PARD3: variants seen among roughly 807,000 people sequenced by gnomAD.
The protein encoded by PARD3 is partitioning defective 3 homolog.
PARD3 carries 75 observed loss-of-function variants against 155.4 expected under a neutral mutation model. That is an observed-to-expected ratio of 0.48 (90% CI 0.40 to 0.58). The LOEUF (loss-of-function observed/expected upper bound fraction) is 0.58. Among genes scored for constraint, PARD3 ranks in the 20% least tolerant of loss-of-function variants. The pLI, the probability that PARD3 is intolerant of heterozygous loss-of-function variation, is 0.00. For missense variants in PARD3, 1,642 were observed against 1,721.7 expected (o/e 0.95, Z 0.82); for synonymous variants, 576 against 610.5 (o/e 0.94, Z 0.83).
chr10:34,721,880 T>C lies in PARD3; in HGVS notation c.121-25461A>G, dbSNP rs2094612048. Among the ~76,000 whole-genome samples the C allele has an allele frequency of 2.6e-5, 4 of 152,302 alleles. 1 individual carries two copies. Among genetic ancestry groups the C allele is most frequent in the Middle Eastern group, 6.8e-3 (2 of 294 alleles). ...TCTAACACTAGAAAAACAATGGCTTTAATATTGTCTAAACAGGCTGGGTGC... is the reference window on the plus strand; with the variant it reads ...TCTAACACTAGAAAAACAATGGCTTCAATATTGTCTAAACAGGCTGGGTGC... On this transcript the variant is annotated intron_variant, in intron 1 of 24. Coordinates refer to ENST00000374788, the MANE Select transcript of PARD3 (RefSeq NM_001184785.2).
At chr10:34,243,230 T>A (rs1398169998) in intron 22 of PARD3, among the ~76,000 whole-genome samples, 1 of 152,134 alleles carries the variant, frequency 6.6e-6, no homozygotes, top group Non-Finnish European at 1.5e-5. Context: ...TACTGACAGT[T>A]CAAATTTGAA....
chr10:34,746,858 C>T (rs921729970), intron 1 of PARD3, among the ~76,000 whole-genome samples: 1 of 152,084 alleles, frequency 6.6e-6, no homozygotes, highest in African/African-American at 2.4e-5. Flanking sequence ...GCCGTGTCTC[C>T]CTCTAGACAG....
At chr10:34,264,904 C>A (rs1292694393) in intron 22 of PARD3, among the ~76,000 whole-genome samples, 2 of 152,074 alleles carry the variant, frequency 1.3e-5, no homozygotes, top group Non-Finnish European at 2.9e-5. Context: ...TGCATGTCAC[C>A]ACGCCTGGCT....
intron 22 of PARD3, among the ~76,000 whole-genome samples, chr10:34,189,583 T>A (rs535640491): frequency 1.3e-5 from 2 of 152,226 alleles, no homozygotes; most frequent in Non-Finnish European, 2.9e-5. Flanking sequence ...ATTAATTTGG[T>A]AAATCCTGAT....
chr10:34,397,363 A>C (rs1843439537), intron 7 of PARD3, among the ~76,000 whole-genome samples: 1 of 152,204 alleles, frequency 6.6e-6, no homozygotes, highest in Non-Finnish European at 1.5e-5. Flanking sequence ...CCATATGAAA[A>C]TTGGTGATGC....
At chr10:34,465,028 A>G (rs1211713695) in intron 4 of PARD3, among the ~76,000 whole-genome samples, 1 of 152,210 alleles carries the variant, frequency 6.6e-6, no homozygotes, top group East Asian at 1.9e-4. Context: ...ATCCTCCCAT[A>G]TAGTTTAAAT....
chr10:34,214,217 G>A (rs1417962756), intron 22 of PARD3, among the ~76,000 whole-genome samples: 1 of 152,106 alleles, frequency 6.6e-6, no homozygotes, highest in Non-Finnish European at 1.5e-5. Context: ...ATTCTCATGT[G>A]TGGATGCTTT....
chr10:34,725,309 C>T (rs572337195), intron 1 of PARD3, among the ~76,000 whole-genome samples: 2 of 152,144 alleles, frequency 1.3e-5, no homozygotes, highest in African/African-American at 4.8e-5. Context: ...CCTGCCACTA[C>T]GCCTGGCTAA....
At chr10:34,500,625 T>C (rs2080626701) in intron 3 of PARD3, among the ~76,000 whole-genome samples, 2 of 152,122 alleles carry the variant, frequency 1.3e-5, no homozygotes, top group South Asian at 4.1e-4. Flanking sequence ...CCTGTAATCC[T>C]AGCTTACTCA....
In PARD3 at chr10:34,603,659, T is replaced by C. The variant is rs528369352; in HGVS notation, c.223-86500A>G. 1.1e-4 allele frequency among the ~76,000 whole-genome samples: 17 copies of C among 152,202 alleles called. 1 individual carries two copies. In the South Asian group the frequency reaches 2.9e-3, roughly 26 times the overall value. On this transcript the variant is annotated intron_variant, in intron 2 of 24. Coordinates refer to ENST00000374788, the MANE Select transcript of PARD3 (RefSeq NM_001184785.2). ...GATCTTTAGAACCAGAGGCAAGTAA[T>C]AGTACGTGAGGCCATAATATTCATC...
chr10:34,420,183 T>C (rs1846056036), intron 5 of PARD3, among the ~76,000 whole-genome samples: 1 of 152,220 alleles, frequency 6.6e-6, no homozygotes, highest in Admixed American at 6.5e-5. Context: ...AATTTTTTAA[T>C]AGCTGCAGAG....
At chr10:34,127,412 G>A (rs781396601) in intron 23 of PARD3, among the ~76,000 whole-genome samples, 14 of 152,112 alleles carry the variant, frequency 9.2e-5, no homozygotes, top group African/African-American at 1.9e-4. Flanking sequence ...TCACAGCTCC[G>A]TGGTTCTCAA....
intron 2 of PARD3, among the ~76,000 whole-genome samples, chr10:34,562,857 A>G (rs2085614192): frequency 6.6e-6 from 1 of 151,970 alleles, no homozygotes; most frequent in Non-Finnish European, 1.5e-5. Flanking sequence ...CTGCAGCCTC[A>G]AACTCGTGGC....
chr10:34,663,529 T>C (rs1199628348), intron 2 of PARD3, among the ~76,000 whole-genome samples: 2 of 152,150 alleles, frequency 1.3e-5, no homozygotes, highest in Non-Finnish European at 2.9e-5. Context: ...CACATGCCTG[T>C]ACCGAAATAT....
At position 34,353,418 on chromosome 10, in the gene PARD3, C is replaced by A. The variant is rs184145324; in HGVS notation, c.2068-5303G>T. On this transcript the variant is annotated intron_variant, in intron 14 of 24. Coordinates refer to ENST00000374788, the MANE Select transcript of PARD3 (RefSeq NM_001184785.2). Reference sequence around the variant, plus strand: ...ATGCTGTTAATCTATAACCTTACCCCCAACCCCGTGCTCTCTGAAACATGT... The same window carrying A: ...ATGCTGTTAATCTATAACCTTACCCACAACCCCGTGCTCTCTGAAACATGT... Among the ~76,000 whole-genome samples the A allele has an allele frequency of 5.3e-5, 8 of 152,224 alleles. No individual in the cohort carries two copies. The South Asian group carries it at 1.7e-3, about 32-fold the overall frequency.
intron 15 of PARD3, chr10:34,345,524 T>C (rs544410580): frequency 3.0e-5 from 30 of 985,300 alleles, no homozygotes; most frequent in South Asian, 1.4e-4. Context: ...TCCAAACATA[T>C]AGAAGACAAT....
At chr10:34,574,783 A>G (rs1341104945) in intron 2 of PARD3, among the ~76,000 whole-genome samples, 3 of 152,216 alleles carry the variant, frequency 2.0e-5, no homozygotes, top group Non-Finnish European at 2.9e-5. Flanking sequence ...AAGAACAATC[A>G]TAAGCCTGGA....
rs143623521 is a variant in PARD3 at position 34,680,627 on chromosome 10, G to A, written c.222+15691C>T. ...AGGGGGAAAGATAAAGAAAGAAAACGTTCAAGGTAACAAGAGGCATGGAAT... is the reference window on the plus strand; with the variant it reads ...AGGGGGAAAGATAAAGAAAGAAAACATTCAAGGTAACAAGAGGCATGGAAT... On this transcript the variant is annotated intron_variant, in intron 2 of 24. Transcript: ENST00000374788. Among the ~76,000 whole-genome samples the A allele has an allele frequency of 2.7e-3, 409 of 151,416 alleles. 1 individual carries two copies. Among genetic ancestry groups the A allele is most frequent in the Non-Finnish European group, 4.1e-3 (276 of 67,866 alleles).
chr10:34,481,398 C>T (rs569483491), intron 3 of PARD3, among the ~76,000 whole-genome samples: 3 of 152,172 alleles, frequency 2.0e-5, no homozygotes, highest in South Asian at 4.2e-4. Context: ...GCCTCTCAGG[C>T]GAGAGTGAAG....
Sources: gnomAD v4.1 joint callset for allele counts (sites outside exome capture counted in the v4.1 genomes callset) on GRCh38, gnomAD v4.1.1 for gene constraint, MANE v1.5 for transcripts, NCBI Gene and HGNC (gene_info 2026-07-23, HGNC 2026-07-21) for gene names.